Variants in SOS1 observed in about 807,000 individuals in gnomAD.
SOS1 encodes the protein SOS Ras/Rac guanine nucleotide exchange factor 1.
SOS1 carries 25 observed loss-of-function variants against 157.6 expected under a neutral mutation model. The observed-to-expected ratio is 0.16, with a 90% CI of 0.12 to 0.22. The LOEUF is 0.22. SOS1 is among the 10% of genes least tolerant of loss of function. The pLI is 1.00. For missense variants in SOS1, 1,237 were observed against 1,599.1 expected (o/e 0.77, Z 3.86); for synonymous variants, 528 against 534.0 (o/e 0.99, Z 0.16).
At chr2:39,046,537 C>T (rs559281661) in intron 6 of SOS1, among the ~76,000 whole-genome samples, 1 of 138,830 alleles carries the variant, frequency 7.2e-6, no homozygotes, top group East Asian at 2.1e-4. Flanking sequence ...CGGAGTCTCG[C>T]TCTGTCGCCC....
chr2:39,071,657 G>A (rs543624300), intron 1 of SOS1, among the ~76,000 whole-genome samples: 23 of 152,210 alleles, frequency 1.5e-4, no homozygotes, highest in Non-Finnish European at 2.6e-4. Flanking sequence ...CTAGACATTC[G>A]AAAAGATGTT....
chr2:39,062,212 G>C (rs1671428214), intron 2 of SOS1, among the ~76,000 whole-genome samples: 1 of 151,862 alleles, frequency 6.6e-6, no homozygotes, highest in African/African-American at 2.4e-5. Context: ...GAGGTCAGGA[G>C]TTCAAGACCA....
intron 8 of SOS1, among the ~76,000 whole-genome samples, chr2:39,024,903 A>C (rs1339169300): frequency 6.6e-6 from 1 of 150,712 alleles, no homozygotes; most frequent in East Asian, 2.0e-4. Context: ...CATATTTATG[A>C]AACTGAAACT....
At chr2:39,054,089 G>C (rs894307665) in intron 5 of SOS1, among the ~76,000 whole-genome samples, 1 of 151,990 alleles carries the variant, frequency 6.6e-6, no homozygotes, top group African/African-American at 2.4e-5. Flanking sequence ...CACCACGCCC[G>C]GCTAATTTTT....
chr2:39,026,296 A>C (rs1669958855), intron 8 of SOS1, among the ~76,000 whole-genome samples: 1 of 150,984 alleles, frequency 6.6e-6, no homozygotes, highest in African/African-American at 2.5e-5. Flanking sequence ...CAGAGGTTGC[A>C]GTGAGCCGTG....
At chr2:39,078,920 T>C (rs60031390) in intron 1 of SOS1, among the ~76,000 whole-genome samples, 12,601 of 151,704 alleles carry the variant, frequency 0.083, 1,879 homozygotes, top group African/African-American at 0.29. Context: ...ATTAGCCAGA[T>C]GCGGTGGCAT....
rs767942997 is a variant in SOS1 at position 39,022,628 on chromosome 2, A to T, written c.1800T>A (p.Ile600=). 4 of 1,613,246 alleles carry T rather than the reference A, an allele frequency of 2.5e-6. No individual in the cohort carries two copies. The highest frequency in any genetic ancestry group is 3.4e-6 in the Non-Finnish European group (4 of 1,179,404). Residue 600 remains isoleucine (I), a synonymous_variant, in exon 10 of 23, where the codon ATT becomes ATA. Coordinates refer to ENST00000402219, the MANE Select transcript of SOS1 (RefSeq NM_005633.4). ...ENMQPKAGIP[I]IKAGTVIKLI... is the part of the protein sequence containing the mutation. ...GTTTAATAACAGTTCCTGCTTTGAT[A>T]ATTGGAATTCCAGCCTTGGGCTGCA... is the stretch of plus-strand genomic sequence containing the variant.
At chr2:39,056,150 C>A (rs1671202246) in intron 4 of SOS1, among the ~76,000 whole-genome samples, 1 of 152,108 alleles carries the variant, frequency 6.6e-6, no homozygotes, top group Non-Finnish European at 1.5e-5. Flanking sequence ...TAACTACTAG[C>A]TGGGTGTGGT....
Position 39,120,515 on chromosome 2 carries a change from C to G in SOS1, c.-93G>C. The stretch of plus-strand genomic sequence containing the variant: ...GCGAGCTCGCAGCGCGGAACAGGGC[C>G]GCGGCCCCACCGGACGGCCCGGCCC... On this transcript the variant is annotated 5_prime_UTR_variant, in exon 1 of 23. Coordinates refer to ENST00000402219, the MANE Select transcript of SOS1 (RefSeq NM_005633.4). 1 of 1,178,878 alleles carries G rather than the reference C, an allele frequency of 8.5e-7. No homozygotes were observed. Among genetic ancestry groups the G allele is most frequent in the Non-Finnish European group, 1.0e-6 (1 of 954,442 alleles). 73.0% of individuals were successfully genotyped at this position (1,178,878 alleles called of 1,614,324 possible).
chr2:39,021,445 T>C (rs1456351447), intron 10 of SOS1, among the ~76,000 whole-genome samples: 1 of 151,048 alleles, frequency 6.6e-6, no homozygotes, highest in Non-Finnish European at 1.5e-5. Context: ...ATTTTGTAAT[T>C]TGAAAATGTT....
At position 38,984,554 on chromosome 2, in the gene SOS1, A is replaced by G. The variant is rs1019150969; in HGVS notation, c.*1270T>C. The G allele has an allele frequency of 2.6e-5, 4 of 152,188 alleles. No individual in the cohort carries two copies. The highest frequency in any genetic ancestry group is 6.5e-5 in the Admixed American group (1 of 15,272). 9.4% of individuals were successfully genotyped at this position (152,188 alleles called of 1,614,324 possible). On this transcript the variant is annotated 3_prime_UTR_variant, in exon 23 of 23. Coordinates refer to ENST00000402219, the MANE Select transcript of SOS1 (RefSeq NM_005633.4). ...TCCTATTCTAACCAAGTATCTTCCT[A>G]TATGCCAAGCTGTGACTTTAGATCA...
At chr2:39,018,293 A>G (rs2124527078) in intron 10 of SOS1, among the ~76,000 whole-genome samples, 1 of 152,000 alleles carries the variant, frequency 6.6e-6, no homozygotes, top group Non-Finnish European at 1.5e-5. Flanking sequence ...CAATATGGTC[A>G]ACAACCAAAA....
rs541004813 is a variant in SOS1, at chr2:39,084,471, G to GTA, written c.88-16719_88-16718insTA. Among the ~76,000 whole-genome samples the GTA allele has an allele frequency of 6.4e-4, 97 of 152,134 alleles. 1 individual carries two copies. The highest frequency in any genetic ancestry group is 2.2e-3 in the African/African-American group (90 of 41,518). On this transcript the variant is annotated intron_variant, in intron 1 of 22. Transcript: ENST00000402219. ...AATATAACCTTTGTTGTCAACATGG[G>GTA]TTATAAATGGTCCTGGGCAAGGCAG...
intron 1 of SOS1, among the ~76,000 whole-genome samples, chr2:39,068,425 C>T (rs1671665766): frequency 6.6e-6 from 1 of 152,156 alleles, no homozygotes. Context: ...GCAAAACTGA[C>T]CTCCTATGGG....
At chr2:39,046,014 A>C (rs1209077155) in intron 6 of SOS1, among the ~76,000 whole-genome samples, 1 of 152,192 alleles carries the variant, frequency 6.6e-6, no homozygotes, top group African/African-American at 2.4e-5. Context: ...GCCAGGCCTA[A>C]AGTGAATTTT....
At chr2:39,084,375 C>T (rs1017879834) in intron 1 of SOS1, among the ~76,000 whole-genome samples, 4 of 152,090 alleles carry the variant, frequency 2.6e-5, no homozygotes, top group East Asian at 3.9e-4. Context: ...CATATATACA[C>T]GTGTATGTGT....
At chr2:39,105,738 A>T (rs543197543) in intron 1 of SOS1, among the ~76,000 whole-genome samples, 2 of 152,030 alleles carry the variant, frequency 1.3e-5, no homozygotes, top group South Asian at 4.2e-4. Context: ...CTCTACTAAA[A>T]ATACAAAAAA....
intron 6 of SOS1, among the ~76,000 whole-genome samples, chr2:39,036,969 C>T (rs1670377433): frequency 1.3e-5 from 2 of 152,158 alleles, no homozygotes; most frequent in Admixed American, 6.5e-5. Flanking sequence ...CTGCGCCTGG[C>T]CTCAGATTGC....
At chr2:39,108,048 C>T (rs920116856) in intron 1 of SOS1, among the ~76,000 whole-genome samples, 9 of 152,168 alleles carry the variant, frequency 5.9e-5, no homozygotes, top group Non-Finnish European at 1.3e-4. Context: ...CAAACGTGAT[C>T]CTCTCCCAAT....
Sources: allele counts gnomAD v4.1 joint callset (sites outside exome capture counted in the v4.1 genomes callset), GRCh38; gene constraint gnomAD v4.1.1; transcripts MANE v1.5; gene names NCBI Gene and HGNC (gene_info 2026-07-23, HGNC 2026-07-21).